Variants in CLHC1 observed in about 807,000 individuals in gnomAD.
CLHC1 encodes clathrin heavy chain linker domain containing 1.
Under a neutral mutation model 69.5 loss-of-function variants are expected in CLHC1, and 72 were observed. The ratio of observed to expected loss-of-function variants is 1.04; its 90% CI spans 0.86 to 1.26. The LOEUF is 1.26. CLHC1 is among the 50% of genes most tolerant of loss of function. The pLI is 0.00. For synonymous variants in CLHC1, 223 were observed against 224.3 expected (o/e 0.99, Z 0.05); for missense variants, 790 against 679.3 (o/e 1.16, Z -1.81).
chr2:55,184,555 T>C (rs1003172857), intron 9 of CLHC1, among the ~76,000 whole-genome samples: 9 of 152,186 alleles, frequency 5.9e-5, no homozygotes. Flanking sequence ...ATCTTCTTCA[T>C]GTTTTGTGAT....
intron 2 of CLHC1, chr2:55,225,876 G>A (rs186635696): frequency 6.6e-6 from 1 of 152,268 alleles, no homozygotes; most frequent in East Asian, 1.9e-4. Context: ...CAACTGTCAC[G>A]TGATGAAGGA....
intron 2 of CLHC1, chr2:55,225,157 A>T (rs1482044437): frequency 6.5e-6 from 1 of 152,718 alleles, no homozygotes; most frequent in African/African-American, 2.4e-5. Flanking sequence ...AAGAGGGATG[A>T]CCTCCTTCAG....
chr2:55,181,514 C>G, intron 10 of CLHC1, 56 bp downstream of exon 10: 1 of 1,330,402 alleles, frequency 7.5e-7, no homozygotes, highest in Middle Eastern at 1.9e-4. Context: ...ATTTTTAGAA[C>G]AAACAACTTT....
chr2:55,177,483 G>T, intron 12 of CLHC1, 119 bp downstream of exon 12: 1 of 569,348 alleles, frequency 1.8e-6, no homozygotes. Flanking sequence ...AACTCCTAAA[G>T]TTAACTCTTG....
At chr2:55,209,572 A>G (rs1185151418) in intron 6 of CLHC1, 56 bp from the exon 7 acceptor site, 1 of 1,584,788 alleles carries the variant, frequency 6.3e-7, no homozygotes, top group Non-Finnish European at 8.7e-7. Context: ...ATGGTGGAAT[A>G]TTAGAATAAA....
intron 4 of CLHC1, among the ~76,000 whole-genome samples, chr2:55,217,363 A>T (rs1232242063): frequency 6.9e-6 from 1 of 144,886 alleles, no homozygotes; most frequent in Non-Finnish European, 1.5e-5. Flanking sequence ...TTTTAATATT[A>T]AAAAAAAAAA....
In CLHC1 at chr2:55,212,669, A is replaced by G. The variant is rs769121806; in HGVS notation, c.499+4T>C. On this transcript the variant is annotated splice_donor_region_variant and intron_variant, in intron 5 of 12. Transcript: ENST00000401408. ...TCTCAAATATTTTAAACAAAATACA[A>G]TACCTGGAATAGGTTTTGAAGGATC... is the stretch of plus-strand genomic sequence containing the variant. 1 of 1,587,108 alleles carries G rather than the reference A, an allele frequency of 6.3e-7. No homozygotes were observed. The highest frequency in any genetic ancestry group is 1.1e-5 in the South Asian group (1 of 89,102).
In CLHC1 at chr2:55,180,507, T is replaced by C; in HGVS notation, c.1384+3A>G. 1 of 1,609,410 alleles carries C rather than the reference T, an allele frequency of 6.2e-7. No individual in the cohort carries two copies. The highest frequency in any genetic ancestry group is 8.5e-7 in the Non-Finnish European group (1 of 1,175,970). On this transcript the variant is annotated splice_donor_region_variant and intron_variant, in intron 11 of 12. Transcript: ENST00000401408. ...TATACAAATGGCAGACTTTTTAACT[T>C]ACCGGTAGTAAAGTCCTTCAACTGC...
chr2:55,180,613 G>C lies in CLHC1; in HGVS notation c.1281C>G (p.Tyr427Ter), dbSNP rs1233844908. 1 of 1,613,778 alleles carries C rather than the reference G, an allele frequency of 6.2e-7. No homozygotes were observed. The highest frequency in any genetic ancestry group is 8.5e-7 in the Non-Finnish European group (1 of 1,179,802). The change falls in exon 11 of 13, where the codon TAC (tyrosine) becomes TAG (stop). Residue 427 changes from tyrosine to a stop codon, truncating the protein, a stop_gained. Transcript: ENST00000401408. LOFTEE classifies it high-confidence loss of function. ...AKCLALAQIV[Y>*]SECGLHKKAI... is the part of the protein sequence containing the mutation. ...CTTTCTTGTGCAGGCCACATTCACT[G>C]TAGACAATCTGAGCTAAAGCCAGGC...
chr2:55,224,251 T>C (rs1383373087), intron 2 of CLHC1: 5 of 336,982 alleles, frequency 1.5e-5, no homozygotes, highest in South Asian at 9.5e-5. Flanking sequence ...CAGCTGATAA[T>C]GTACTTGATT....
chr2:55,180,896 G>A (rs535188153), intron 10 of CLHC1, among the ~76,000 whole-genome samples, 184 bp from the exon 11 acceptor site: 16 of 152,156 alleles, frequency 1.1e-4, no homozygotes, highest in African/African-American at 3.4e-4. Context: ...CTATCACCCC[G>A]ATAATAGTCA....
chr2:55,220,989 A>G (rs550903051), intron 3 of CLHC1, among the ~76,000 whole-genome samples: 2 of 152,304 alleles, frequency 1.3e-5, no homozygotes, highest in South Asian at 2.1e-4. Context: ...TCTCTATTTT[A>G]TACTCCTATG....
At chr2:55,213,790 G>T (rs1012575594) in intron 4 of CLHC1, among the ~76,000 whole-genome samples, 6 of 152,088 alleles carry the variant, frequency 3.9e-5, no homozygotes, top group Non-Finnish European at 7.4e-5. Flanking sequence ...TTCAAGAGGG[G>T]CCATGCCAAT....
At chr2:55,194,861 G>C (rs1324286348) in intron 9 of CLHC1, among the ~76,000 whole-genome samples, 3 of 152,074 alleles carry the variant, frequency 2.0e-5, no homozygotes, top group Admixed American at 2.0e-4. Flanking sequence ...CTCTGTGTGT[G>C]TGTGTGTTTG....
intron 9 of CLHC1, among the ~76,000 whole-genome samples, chr2:55,193,047 C>T (rs1671080531): frequency 7.5e-6 from 1 of 133,076 alleles, no homozygotes; most frequent in Middle Eastern, 3.6e-3. Context: ...CCCGCCACCA[C>T]ACCCGGCGGC....
intron 9 of CLHC1, among the ~76,000 whole-genome samples, chr2:55,188,819 A>C (rs1309908995): frequency 1.3e-5 from 2 of 152,220 alleles, no homozygotes; most frequent in African/African-American, 4.8e-5. Context: ...AAAAGACATA[A>C]AACAATATAA....
intron 9 of CLHC1, among the ~76,000 whole-genome samples, chr2:55,203,195 T>A (rs1291558839): frequency 2.0e-5 from 3 of 152,182 alleles, no homozygotes; most frequent in Admixed American, 6.5e-5. Context: ...GCCATATTCA[T>A]GGATTGGAAG....
rs565863583 is a variant in CLHC1, at chr2:55,173,700, T to C, written c.*2090A>G. Among the ~76,000 whole-genome samples, 6 of 152,310 alleles carry C rather than the reference T, an allele frequency of 3.9e-5. No homozygotes were observed. The highest frequency in any genetic ancestry group is 1.4e-4 in the African/African-American group (6 of 41,582). ...TAGCTCACAACTCAATTCTTTCTCC[T>C]TCCTCATTTAACTTTGTAATCTTGC... On this transcript the variant is annotated 3_prime_UTR_variant, in exon 13 of 13. Transcript: ENST00000401408.
chr2:55,189,704 C>T (rs1399157511), intron 9 of CLHC1, among the ~76,000 whole-genome samples: 1 of 152,186 alleles, frequency 6.6e-6, no homozygotes, highest in Non-Finnish European at 1.5e-5. Context: ...GAGATCTGTA[C>T]AGCGTTCCCC....
Sources: allele counts gnomAD v4.1 joint callset (sites outside exome capture counted in the v4.1 genomes callset), GRCh38; gene constraint gnomAD v4.1.1; transcripts MANE v1.5; gene names NCBI Gene and HGNC (gene_info 2026-07-23, HGNC 2026-07-21).